ARMH4: variants seen among roughly 807,000 people sequenced by gnomAD.
The protein encoded by ARMH4 is armadillo like helical domain containing 4.
A neutral mutation model predicts 61.9 loss-of-function variants in ARMH4; 49 were observed. The observed-to-expected ratio is 0.79, with a 90% CI of 0.63 to 1.00. ARMH4 has a LOEUF of 1.00. ARMH4 is among the 50% of genes least tolerant of loss of function. ARMH4 has a pLI of 0.00. For missense variants in ARMH4, 934 were observed against 930.0 expected, an observed-to-expected ratio of 1.00 and a Z score of -0.06; for synonymous variants, 368 against 341.5, an observed-to-expected ratio of 1.08 and a Z score of -0.85.
chr14:58,012,230 A>G lies in ARMH4; in HGVS notation c.2090-80T>C, dbSNP rs1882436675. On this transcript the variant is annotated intron_variant, in intron 5 of 7. Transcript: ENST00000267485. The stretch of plus-strand genomic sequence containing the variant: ...TGGCATTAAGTTAATTTGACAAATT[A>G]AAGAGTTTTTTGTATTAAATACAGT... 3 of 862,644 alleles carry G rather than the reference A, an allele frequency of 3.5e-6. No individual in the cohort carries two copies. The South Asian group carries it at 5.2e-5, about 15-fold the overall frequency. The allele number at this position is 862,644 out of a possible 1,614,324, so 53.4% of individuals were successfully genotyped here.
intron 5 of ARMH4, among the ~76,000 whole-genome samples, chr14:58,021,346 A>G (rs1180623217): frequency 6.6e-6 from 1 of 152,140 alleles, no homozygotes; most frequent in African/African-American, 2.4e-5. Flanking sequence ...TTGGTTTTAT[A>G]AAGGGCCATT....
intron 5 of ARMH4, among the ~76,000 whole-genome samples, chr14:58,041,104 G>A (rs907823381): frequency 4.6e-5 from 7 of 152,098 alleles, no homozygotes; most frequent in Admixed American, 4.6e-4. Flanking sequence ...GGGGAGTGTC[G>A]GAAAGTGGCT....
rs59178433 is a variant in ARMH4 at position 58,081,100 on chromosome 14, T to TATAAATAAATAAATAAATAA, written c.2089+15604_2089+15623dup. Among the ~76,000 whole-genome samples, 424 of 148,382 alleles carry TATAAATAAATAAATAAATAA rather than the reference T, an allele frequency of 2.9e-3. 3 individuals carry two copies. The highest frequency in any genetic ancestry group is 7.9e-3 in the African/African-American group (316 of 40,018). Reference sequence around the variant, plus strand: ...CGGGGACACAGAGCAAGACTCTGTCTATAAATAAATAAATAAATAAATAAA... The same window carrying TATAAATAAATAAATAAATAA: ...CGGGGACACAGAGCAAGACTCTGTCTATAAATAAATAAATAAATAAATAAATAAATAAATAAATAAATAAA... On this transcript the variant is annotated intron_variant, in intron 5 of 7. Coordinates refer to ENST00000267485, the MANE Select transcript of ARMH4 (RefSeq NM_001001872.4).
At chr14:58,089,621 T>C (rs184115064) in intron 5 of ARMH4, among the ~76,000 whole-genome samples, 7 of 152,338 alleles carry the variant, frequency 4.6e-5, no homozygotes, top group African/African-American at 1.7e-4. Flanking sequence ...TAAATGATAA[T>C]GTTTTAATGA....
chr14:58,132,061 T>C (rs527716160), intron 3 of ARMH4, among the ~76,000 whole-genome samples: 128 of 145,530 alleles, frequency 8.8e-4, no homozygotes, highest in African/African-American at 2.9e-3. Context: ...AAAAATATAT[T>C]AAACTGTATT....
At chr14:58,136,859 G>T (rs976415147) in intron 2 of ARMH4, among the ~76,000 whole-genome samples, 1 of 152,130 alleles carries the variant, frequency 6.6e-6, no homozygotes, top group Non-Finnish European at 1.5e-5. Flanking sequence ...GCAGAACCAA[G>T]CAAGCAGATG....
At position 58,106,123 on chromosome 14, in the gene ARMH4, G is replaced by A. The variant is rs556147966; in HGVS notation, c.1832-9142C>T. Among the ~76,000 whole-genome samples the A allele has an allele frequency of 9.2e-5, 14 of 152,258 alleles. No individual in the cohort carries two copies. In the East Asian group the frequency reaches 2.5e-3, roughly 27 times the overall value. On this transcript the variant is annotated intron_variant, in intron 4 of 7. Coordinates refer to ENST00000267485, the MANE Select transcript of ARMH4 (RefSeq NM_001001872.4). ...TGAAAAATTCCTTTTCACTCTTGTT[G>A]AACCAGCATCTCTTTAGAAGACGTG... is the stretch of plus-strand genomic sequence containing the variant.
At chr14:58,007,360 T>C (rs942738387) in intron 6 of ARMH4, among the ~76,000 whole-genome samples, 2 of 152,206 alleles carry the variant, frequency 1.3e-5, no homozygotes, top group African/African-American at 4.8e-5. Flanking sequence ...TATTTGTAAA[T>C]TGACATATAA....
At chr14:58,105,451 C>T (rs1470760754) in intron 4 of ARMH4, among the ~76,000 whole-genome samples, 5 of 151,932 alleles carry the variant, frequency 3.3e-5, no homozygotes, top group Non-Finnish European at 5.9e-5. Context: ...TTTGGGAGGC[C>T]GAGGCAGGTG....
intron 6 of ARMH4, among the ~76,000 whole-genome samples, chr14:58,007,819 T>C (rs1882235767): frequency 6.6e-6 from 1 of 152,202 alleles, no homozygotes; most frequent in Non-Finnish European, 1.5e-5. Context: ...ACCAATGTAT[T>C]ATTCCAACCA....
At chr14:58,145,469 G>A (rs1036925404) in intron 1 of ARMH4, among the ~76,000 whole-genome samples, 12 of 152,166 alleles carry the variant, frequency 7.9e-5, no homozygotes, top group Non-Finnish European at 1.6e-4. Context: ...TGTATGTTCT[G>A]GAGTCATGTG....
At chr14:58,014,143 G>A (rs527864714) in intron 5 of ARMH4, among the ~76,000 whole-genome samples, 1 of 152,306 alleles carries the variant, frequency 6.6e-6, no homozygotes, top group South Asian at 2.1e-4. Context: ...GCTCCTTCAA[G>A]TTGAAAATGT....
chr14:58,089,915 T>C (rs1198561171), intron 5 of ARMH4, among the ~76,000 whole-genome samples: 3 of 152,204 alleles, frequency 2.0e-5, no homozygotes, highest in African/African-American at 7.2e-5. Context: ...CATGACTATG[T>C]ATCTCTTTAT....
Position 58,138,500 on chromosome 14 carries a change from T to C in ARMH4, c.859A>G (p.Thr287Ala), listed in dbSNP as rs1325117649. 1 of 1,614,100 alleles carries C rather than the reference T, an allele frequency of 6.2e-7. No individual in the cohort carries two copies. The highest frequency in any genetic ancestry group is 1.3e-5 in the African/African-American group (1 of 74,928). ...SEYTLSVEPE[T>A]DSLLGAPEVT... Reference sequence around the variant, plus strand: ...TCTGGGGCTCCCAGCAGACTATCAGTTTCTGGCTCAACACTCAGGGTGTAC... The same window carrying C: ...TCTGGGGCTCCCAGCAGACTATCAGCTTCTGGCTCAACACTCAGGGTGTAC... The change falls in exon 2 of 8, where the codon ACT becomes GCT. Residue 287 changes from threonine (T) to alanine (A), a missense_variant. Transcript: ENST00000267485.
At chr14:58,018,306 C>A (rs1251266199) in intron 5 of ARMH4, among the ~76,000 whole-genome samples, 1 of 151,856 alleles carries the variant, frequency 6.6e-6, no homozygotes, top group African/African-American at 2.4e-5. Flanking sequence ...TTCCATATAG[C>A]CAAGGAGACA....
In ARMH4 at chr14:58,123,849, C is replaced by T. The variant is rs556504668; in HGVS notation, c.1831+7663G>A. Among the ~76,000 whole-genome samples the T allele has an allele frequency of 5.9e-4, 90 of 152,342 alleles. No homozygotes were observed. The South Asian group carries it at 0.017, about 28-fold the overall frequency. On this transcript the variant is annotated intron_variant, in intron 4 of 7. Coordinates refer to ENST00000267485, the MANE Select transcript of ARMH4 (RefSeq NM_001001872.4). ...TGTCCTTCGGTACATGGATGATTTA[C>T]TTTTAGCTGCCAGTTCAGAAACCTT...
intron 5 of ARMH4, among the ~76,000 whole-genome samples, chr14:58,022,715 A>C (rs1295586128): frequency 6.6e-6 from 1 of 152,218 alleles, no homozygotes; most frequent in Non-Finnish European, 1.5e-5. Context: ...GGAGAGCTCA[A>C]ACTAAGACAC....
intron 4 of ARMH4, among the ~76,000 whole-genome samples, chr14:58,121,340 G>A (rs535920798): frequency 1.5e-4 from 23 of 152,044 alleles, no homozygotes; most frequent in Non-Finnish European, 2.5e-4. Context: ...AAGCAGTGCC[G>A]GACTGGCAAA....
At chr14:58,097,728 C>T (rs540160179) in intron 4 of ARMH4, among the ~76,000 whole-genome samples, 5 of 149,960 alleles carry the variant, frequency 3.3e-5, no homozygotes, top group South Asian at 4.2e-4. Context: ...ATTTTTGAGA[C>T]GGAGTCTTGC....
Sources: allele counts gnomAD v4.1 joint callset (sites outside exome capture counted in the v4.1 genomes callset), GRCh38; gene constraint gnomAD v4.1.1; transcripts MANE v1.5; gene names NCBI Gene and HGNC (gene_info 2026-07-23, HGNC 2026-07-21).